The following COL26A1 variants were observed in gnomAD, a reference collection of about 807,000 sequenced individuals.
COL26A1 encodes collagen type XXVI alpha 1 chain, also known as collagen alpha-1(XXVI) chain.
Under a neutral mutation model 59.3 loss-of-function variants are expected in COL26A1, and 41 were observed. The observed-to-expected ratio is 0.69, with a 90% CI of 0.54 to 0.90. The LOEUF is 0.90. Among genes scored for constraint, COL26A1 ranks in the 40% least tolerant of loss-of-function variants. The pLI is 0.00. For synonymous variants in COL26A1, 266 were observed against 256.0 expected, an observed-to-expected ratio of 1.04 and a Z score of -0.37; for missense variants, 612 against 602.3, an observed-to-expected ratio of 1.02 and a Z score of -0.17.
At chr7:101,440,945 C>T (rs62463420) in intron 2 of COL26A1, among the ~76,000 whole-genome samples, 26,543 of 149,948 alleles carry the variant, frequency 0.18, 2,898 homozygotes, top group Non-Finnish European at 0.24. Context: ...CCACTGCACT[C>T]CAGCCTGGCG....
intron 5 of COL26A1, among the ~76,000 whole-genome samples, chr7:101,541,903 C>A (rs954137425): frequency 5.9e-5 from 9 of 152,102 alleles, no homozygotes; most frequent in Non-Finnish European, 8.8e-5. Flanking sequence ...CATGAGTGGT[C>A]AGGATCTGCA....
At chr7:101,544,129 A>G (rs1484623601) in intron 6 of COL26A1, 33 bp downstream of exon 6, 2 of 1,516,248 alleles carry the variant, frequency 1.3e-6, no homozygotes, top group Non-Finnish European at 1.8e-6. Context: ...TGATGTTGTC[A>G]ACCTGCGGAA....
Position 101,362,916 on chromosome 7 carries a change from T to A in COL26A1, c.-117T>A, listed in dbSNP as rs898058593. On this transcript the variant is annotated 5_prime_UTR_variant, in exon 1 of 13. Coordinates refer to ENST00000313669, the MANE Select transcript of COL26A1 (RefSeq NM_001278563.3). The stretch of plus-strand genomic sequence containing the variant: ...CAGCTCGCACCCGGGCTCCGACCGC[T>A]CGCCCCGCTCCTCTCGCTGTGCTCC... 8.1e-6 allele frequency: 9 copies of A among 1,108,230 alleles called. No individual in the cohort carries two copies. Among genetic ancestry groups the A allele is most frequent in the Non-Finnish European group, 7.3e-6 (6 of 818,130 alleles). The allele number at this position is 1,108,230 out of a possible 1,614,324, so 68.6% of individuals were successfully genotyped here. A position where few individuals can be genotyped will look rare whatever the true frequency, so the allele number is the denominator to read the frequency against.
intron 1 of COL26A1, among the ~76,000 whole-genome samples, chr7:101,378,829 A>G (rs1791380824): frequency 6.6e-6 from 1 of 151,834 alleles, no homozygotes; most frequent in South Asian, 2.1e-4. Flanking sequence ...CCCTTGGAGG[A>G]TGTCCCCTGC....
At chr7:101,502,853 C>T (rs966827912) in intron 3 of COL26A1, among the ~76,000 whole-genome samples, 10 of 152,184 alleles carry the variant, frequency 6.6e-5, no homozygotes, top group Non-Finnish European at 1.0e-4. Context: ...CCCTCCTTCC[C>T]GGGGCTGCCT....
At chr7:101,533,246 C>G in intron 4 of COL26A1, 103 bp downstream of exon 4, 2 of 865,210 alleles carry the variant, frequency 2.3e-6, no homozygotes, top group South Asian at 1.5e-5. Flanking sequence ...GAATTCCCAG[C>G]CCCGGGTTTC....
intron 3 of COL26A1, among the ~76,000 whole-genome samples, chr7:101,489,931 C>CTT (rs1794420279): frequency 1.1e-5 from 1 of 87,868 alleles, no homozygotes; most frequent in Non-Finnish European, 2.3e-5. Context: ...GTCTCTCTCT[C>CTT]TCTCTTTCTT....
chr7:101,539,030 T>G (rs1459548917), intron 4 of COL26A1, among the ~76,000 whole-genome samples: 2 of 152,362 alleles, frequency 1.3e-5, no homozygotes, highest in South Asian at 4.1e-4. Context: ...ACGGGGCCTC[T>G]GAGTCCTGGC....
chr7:101,401,993 A>G (rs1189405195), intron 1 of COL26A1, among the ~76,000 whole-genome samples: 1 of 152,152 alleles, frequency 6.6e-6, no homozygotes, highest in Non-Finnish European at 1.5e-5. Flanking sequence ...GAAATGATCC[A>G]ACATAAAAGG....
At chr7:101,374,371 A>G (rs990155116) in intron 1 of COL26A1, among the ~76,000 whole-genome samples, 4 of 152,240 alleles carry the variant, frequency 2.6e-5, no homozygotes, top group East Asian at 3.9e-4. Flanking sequence ...GGAGTCCCCA[A>G]CCCTGAGGTC....
intron 3 of COL26A1, among the ~76,000 whole-genome samples, chr7:101,452,271 G>A (rs772341127): frequency 5.3e-5 from 8 of 152,144 alleles, no homozygotes; most frequent in Non-Finnish European, 8.8e-5. Context: ...TGGCAGGACC[G>A]TGGGAGGACA....
chr7:101,455,252 C>G (rs575319499), intron 3 of COL26A1, among the ~76,000 whole-genome samples: 3 of 151,926 alleles, frequency 2.0e-5, no homozygotes, highest in Non-Finnish European at 4.4e-5. Context: ...CCATGTTGCC[C>G]AGGCTGGTCT....
intron 10 of COL26A1, 58 bp from the exon 11 acceptor site, chr7:101,553,268 G>A: frequency 6.7e-7 from 1 of 1,498,342 alleles, no homozygotes; most frequent in South Asian, 1.2e-5. Flanking sequence ...GAACTGGAGA[G>A]GGTGGAGAGG....
rs1794398859 is a variant in COL26A1 at position 101,489,834 on chromosome 7, CTTT to C, written c.385+42048_385+42050del. On this transcript the variant is annotated intron_variant, in intron 3 of 12. Coordinates refer to ENST00000313669, the MANE Select transcript of COL26A1 (RefSeq NM_001278563.3). Reference sequence around the variant, plus strand: ...TCTTTCTTTCTTTCTTTCTTTCTTTCTTTCTTTCTTTCTTTCTTTCTTTCTTTC... The same window carrying C: ...TCTTTCTTTCTTTCTTTCTTTCTTTCCTTTCTTTCTTTCTTTCTTTCTTTC... 6.5e-4 allele frequency among the ~76,000 whole-genome samples: 9 copies of C among 13,932 alleles called. 2 individuals carry two copies. Among genetic ancestry groups the C allele is most frequent in the Non-Finnish European group, 9.1e-4 (8 of 8,776 alleles). 9.1% of individuals were successfully genotyped at this position (13,932 alleles called of 152,430 possible). A position where few individuals can be genotyped will look rare whatever the true frequency, so the allele number is the denominator to read the frequency against.
intron 1 of COL26A1, among the ~76,000 whole-genome samples, chr7:101,382,477 T>C (rs1457131200): frequency 6.6e-6 from 1 of 152,246 alleles, no homozygotes; most frequent in African/African-American, 2.4e-5. Context: ...TAAATTTCCC[T>C]ATATGCATGA....
Position 101,545,386 on chromosome 7 carries a change from GCC to G in COL26A1, c.755_756del (p.Pro252ArgfsTer93). The G allele has an allele frequency of 1.3e-6, 2 of 1,587,704 alleles. No homozygotes were observed. The highest frequency in any genetic ancestry group is 1.7e-6 in the Non-Finnish European group (2 of 1,170,944). Reference sequence around the variant, plus strand: ...CGTGGGCTTCCTGGAGAGATGGGGCGCCCCGGCCCCCCAGGACCACCCGGCCC... The same window carrying G: ...CGTGGGCTTCCTGGAGAGATGGGGCGCCGGCCCCCCAGGACCACCCGGCCC... On this transcript the variant is annotated frameshift_variant, in exon 7 of 13. Transcript: ENST00000313669. LOFTEE classifies it high-confidence loss of function.
chr7:101,550,458 C>T (rs891894890), intron 9 of COL26A1, among the ~76,000 whole-genome samples: 1 of 151,890 alleles, frequency 6.6e-6, no homozygotes, highest in Admixed American at 6.6e-5. Flanking sequence ...AAGACCCTGT[C>T]TCATTAAAAA....
chr7:101,549,040 C>G (rs964676631), intron 8 of COL26A1, 131 bp from the exon 9 acceptor site: 8 of 496,446 alleles, frequency 1.6e-5, no homozygotes, highest in African/African-American at 1.4e-4. Flanking sequence ...GTGCCTCCCT[C>G]CTCCCCACAC....
At chr7:101,419,219 G>GC (rs2130273195) in intron 1 of COL26A1, among the ~76,000 whole-genome samples, 1 of 151,406 alleles carries the variant, frequency 6.6e-6, no homozygotes, top group Non-Finnish European at 1.5e-5. Context: ...GCCATCCCCT[G>GC]CCCCAGCCTC....
Sources: gnomAD v4.1 joint callset for allele counts (sites outside exome capture counted in the v4.1 genomes callset) on GRCh38, gnomAD v4.1.1 for gene constraint, MANE v1.5 for transcripts, NCBI Gene and HGNC (gene_info 2026-07-23, HGNC 2026-07-21) for gene names.